The following IL31RA variants were observed in gnomAD, a reference collection of about 807,000 sequenced individuals.
IL31RA encodes interleukin-31 receptor subunit alpha.
Under a neutral mutation model 83.7 loss-of-function variants are expected in IL31RA, and 66 were observed. The ratio of observed to expected loss-of-function variants is 0.79; its 90% CI spans 0.65 to 0.97. The LOEUF is 0.97. Ranked by LOEUF, IL31RA falls within the 50% of genes least tolerant of loss-of-function variation. The probability of loss-of-function intolerance (pLI) is 0.00; values close to 1 mark genes in which losing one functional copy is unlikely to be tolerated. For synonymous variants in IL31RA, 325 were observed against 329.0 expected (o/e 0.99, Z 0.13); for missense variants, 798 against 919.4 (o/e 0.87, Z 1.71).
At chr5:55,873,355 T>C (rs1746651248) in intron 4 of IL31RA, among the ~76,000 whole-genome samples, 1 of 152,160 alleles carries the variant, frequency 6.6e-6, no homozygotes, top group Non-Finnish European at 1.5e-5. Flanking sequence ...TTATGAATAA[T>C]GTTGCTGTGA....
chr5:55,871,160 A>G (rs1746480262), intron 3 of IL31RA, among the ~76,000 whole-genome samples: 1 of 152,226 alleles, frequency 6.6e-6, no homozygotes, highest in African/African-American at 2.4e-5. Flanking sequence ...CCCAAGTCAC[A>G]CAGTTAATAG....
At chr5:55,844,392 A>C in the IL31RA span, among the ~76,000 whole-genome samples, 1 of 152,212 alleles carries the variant, frequency 6.6e-6, no homozygotes, top group African/African-American at 2.4e-5. Context: ...CTACATAAGG[A>C]AAGGAAGAGA....
At chr5:55,873,549 C>A (rs147688155) in intron 4 of IL31RA, among the ~76,000 whole-genome samples, 19 of 152,116 alleles carry the variant, frequency 1.2e-4, no homozygotes, top group African/African-American at 4.3e-4. Context: ...TTCTGCATAC[C>A]CTCACCAACA....
chr5:55,870,164 A>G (rs1438055580), intron 3 of IL31RA, among the ~76,000 whole-genome samples: 1 of 152,242 alleles, frequency 6.6e-6, no homozygotes, highest in African/African-American at 2.4e-5. Flanking sequence ...AGCTATAGGC[A>G]ATATATAAAC....
At chr5:55,906,556 G>T (rs554761460) in intron 9 of IL31RA, among the ~76,000 whole-genome samples, 2 of 152,170 alleles carry the variant, frequency 1.3e-5, no homozygotes, top group East Asian at 1.9e-4. Context: ...AGTCCTTCCC[G>T]GATAGCTGGG....
intron 5 of IL31RA, among the ~76,000 whole-genome samples, chr5:55,884,873 T>C (rs1561095336): frequency 1.3e-5 from 2 of 152,234 alleles, no homozygotes; most frequent in Admixed American, 1.3e-4. Context: ...TTGAATGTCT[T>C]CATGTTGGTC....
chr5:55,877,992 C>T (rs1215326587), intron 4 of IL31RA, among the ~76,000 whole-genome samples: 1 of 152,180 alleles, frequency 6.6e-6, no homozygotes, highest in African/African-American at 2.4e-5. Flanking sequence ...TGTTCCACAG[C>T]TCCCTTAGAC....
chr5:55,878,706 T>A (rs1472220763), intron 4 of IL31RA, among the ~76,000 whole-genome samples: 2 of 151,926 alleles, frequency 1.3e-5, no homozygotes, highest in Admixed American at 1.3e-4. Context: ...CAGGCTGGAG[T>A]TCAGTGATGC....
chr5:55,851,729 CTAGT>C, intron 1 of IL31RA, 96 bp downstream of exon 1: 1 of 1,610,496 alleles, frequency 6.2e-7, no homozygotes, highest in Non-Finnish European at 8.5e-7. Context: ...TTTTACCTAC[CTAGT>C]GTCTCAAATC....
chr5:55,857,136 T>A (rs1745409727), intron 1 of IL31RA, among the ~76,000 whole-genome samples: 1 of 151,776 alleles, frequency 6.6e-6, no homozygotes, highest in Non-Finnish European at 1.5e-5. Context: ...TCTGGCTCTG[T>A]CACCCAGGCT....
At chr5:55,863,125 T>C (rs746632867) in intron 2 of IL31RA, among the ~76,000 whole-genome samples, 1 of 152,194 alleles carries the variant, frequency 6.6e-6, no homozygotes, top group Non-Finnish European at 1.5e-5. Flanking sequence ...ATCTAGAAAG[T>C]AGAAGTGAAG....
intron 13 of IL31RA, among the ~76,000 whole-genome samples, chr5:55,914,481 G>A (rs1413932077): frequency 6.6e-6 from 1 of 152,118 alleles, no homozygotes; most frequent in African/African-American, 2.4e-5. Flanking sequence ...GGAAAGTATG[G>A]GTAGCTTATA....
At chr5:55,902,858 T>C (rs7730312) in intron 8 of IL31RA, among the ~76,000 whole-genome samples, 8,055 of 152,272 alleles carry the variant, frequency 0.053, 671 homozygotes, top group African/African-American at 0.17. Flanking sequence ...ATGATGTAGA[T>C]GCTGTGAGAT....
rs767957962 is a variant in IL31RA at position 55,910,534 on chromosome 5, A to C, written c.1504A>C (p.Lys502Gln). 3 of 1,614,012 alleles carry C rather than the reference A, an allele frequency of 1.9e-6. No homozygotes were observed. The African/African-American group carries it at 4.0e-5, about 22-fold the overall frequency. The change falls in exon 12 of 15, where the codon AAG (lysine) becomes CAG (glutamine). Residue 502 changes from lysine (K) to glutamine (Q), a missense_variant and splice_region_variant. Transcript: ENST00000652347. Reference protein sequence around the residue: ...YQAEGGKGFSKTVNSSILQYG... With the variant: ...YQAEGGKGFSQTVNSSILQYG... ...TGACCTTTGTATTTTTCCTTTAGCC[A>C]AGACAGTCAATTCCAGCATCTTGCA...
In IL31RA at chr5:55,907,468, T is replaced by C. The variant is rs1561120434; in HGVS notation, c.1354+8T>C. 1 of 1,572,648 alleles carries C rather than the reference T, an allele frequency of 6.4e-7. No individual in the cohort carries two copies. Among genetic ancestry groups the C allele is most frequent in the Non-Finnish European group, 8.8e-7 (1 of 1,142,026 alleles). Reference sequence around the variant, plus strand: ...CTTATGCCAAAGAAGGCGGTATGAATGGACAAGACCCTGTGGGGAAAAGGA... The same window carrying C: ...CTTATGCCAAAGAAGGCGGTATGAACGGACAAGACCCTGTGGGGAAAAGGA... On this transcript the variant is annotated splice_region_variant and intron_variant, in intron 10 of 14. Coordinates refer to ENST00000652347, the MANE Select transcript of IL31RA (RefSeq NM_139017.7).
intron 1 of IL31RA, among the ~76,000 whole-genome samples, chr5:55,857,884 C>T (rs1396071812): frequency 6.6e-6 from 1 of 152,186 alleles, no homozygotes; most frequent in Non-Finnish European, 1.5e-5. Context: ...CAGTGCTGAA[C>T]ACATAGAAGA....
intron 4 of IL31RA, among the ~76,000 whole-genome samples, chr5:55,876,926 G>A (rs895680007): frequency 6.6e-6 from 1 of 151,778 alleles, no homozygotes; most frequent in Non-Finnish European, 1.5e-5. Flanking sequence ...ATTATCTGCT[G>A]ATCTGTGTAT....
rs1749136909 is a variant in IL31RA, at chr5:55,906,149, C to A, written c.1113C>A (p.Asp371Glu). ...IEVMQACVAEDQLVVKWQSSA... is the reference protein window; with the variant it reads ...IEVMQACVAEEQLVVKWQSSA... ...TCATGCAGGCCTGCGTTGCTGAGGACCAGCTAGTGGTGAAGTGGCAAAGCT... is the reference window on the plus strand; with the variant it reads ...TCATGCAGGCCTGCGTTGCTGAGGAACAGCTAGTGGTGAAGTGGCAAAGCT... Residue 371 changes from aspartate (D) to glutamate (E), a missense_variant, in exon 9 of 15, where the codon GAC becomes GAA. Coordinates refer to ENST00000652347, the MANE Select transcript of IL31RA (RefSeq NM_139017.7). 1 of 1,613,718 alleles carries A rather than the reference C, an allele frequency of 6.2e-7. No individual in the cohort carries two copies. Among genetic ancestry groups the A allele is most frequent in the South Asian group, 1.1e-5 (1 of 91,070 alleles).
intron 4 of IL31RA, among the ~76,000 whole-genome samples, chr5:55,874,442 G>A (rs1746711631): frequency 6.6e-6 from 1 of 152,024 alleles, no homozygotes; most frequent in Non-Finnish European, 1.5e-5. Flanking sequence ...CTGCAGAGAA[G>A]TCAGCTGTGA....
Sources: allele counts gnomAD v4.1 joint callset (sites outside exome capture counted in the v4.1 genomes callset), GRCh38; gene constraint gnomAD v4.1.1; transcripts MANE v1.5; gene names NCBI Gene and HGNC (gene_info 2026-07-23, HGNC 2026-07-21).